KCNT2: variants seen among roughly 807,000 people sequenced by gnomAD.
KCNT2 encodes the protein potassium sodium-activated channel subfamily T member 2.
Under a neutral mutation model 153.8 loss-of-function variants are expected in KCNT2, and 67 were observed. That is an observed-to-expected ratio of 0.44 (90% CI 0.36 to 0.53). The LOEUF is 0.53. Among genes scored for constraint, KCNT2 ranks in the 20% least tolerant of loss-of-function variants. The pLI is 0.00. For missense variants in KCNT2, 975 were observed against 1,354.8 expected (o/e 0.72, Z 4.40); for synonymous variants, 500 against 458.8 (o/e 1.09, Z -1.15).
chr1:196,288,216 T>G (rs994273795), intron 22 of KCNT2, among the ~76,000 whole-genome samples: 1 of 152,038 alleles, frequency 6.6e-6, no homozygotes, highest in African/African-American at 2.4e-5. Flanking sequence ...TTTAAGTATA[T>G]GGGTTGAATG....
chr1:196,554,665 A>C (rs1453551383), intron 1 of KCNT2, among the ~76,000 whole-genome samples: 1 of 151,112 alleles, frequency 6.6e-6, no homozygotes, highest in Non-Finnish European at 1.5e-5. Context: ...TGTTACCAAA[A>C]CTGGACAAGA....
At position 196,251,973 on chromosome 1, in the gene KCNT2, T is replaced by C. The variant is rs149162186; in HGVS notation, c.3211+6221A>G. 4.6e-5 allele frequency among the ~76,000 whole-genome samples: 7 copies of C among 151,968 alleles called. No homozygotes were observed. The East Asian group carries it at 1.3e-3, about 29-fold the overall frequency. ...AAGTGGGTTTCTTTTATGCAACATATATGGCGTTTTGCTTTCTTTAATGCC... is the reference window on the plus strand; with the variant it reads ...AAGTGGGTTTCTTTTATGCAACATACATGGCGTTTTGCTTTCTTTAATGCC... On this transcript the variant is annotated intron_variant, in intron 26 of 27. Transcript: ENST00000294725.
chr1:196,447,136 C>T (rs1675753533), intron 8 of KCNT2, among the ~76,000 whole-genome samples: 1 of 150,946 alleles, frequency 6.6e-6, no homozygotes, highest in Non-Finnish European at 1.5e-5. Context: ...AATATTTTGC[C>T]TCAAATGTAT....
At chr1:196,369,459 G>T (rs1485627880) in intron 14 of KCNT2, among the ~76,000 whole-genome samples, 9 of 151,772 alleles carry the variant, frequency 5.9e-5, no homozygotes, top group Admixed American at 5.3e-4. Context: ...ATATTTCCCA[G>T]TGCTATCCCT....
chr1:196,374,671 G>T (rs1463831799), intron 13 of KCNT2, among the ~76,000 whole-genome samples: 1 of 151,716 alleles, frequency 6.6e-6, no homozygotes, highest in Non-Finnish European at 1.5e-5. Context: ...CATAAGATTT[G>T]CAAAAGAAGA....
chr1:196,384,383 C>T (rs992151694), intron 13 of KCNT2, among the ~76,000 whole-genome samples: 5 of 152,036 alleles, frequency 3.3e-5, no homozygotes, highest in African/African-American at 1.2e-4. Context: ...TCCTCCCAGA[C>T]CAAAAAAACC....
At chr1:196,480,881 A>G (rs925615541) in intron 4 of KCNT2, among the ~76,000 whole-genome samples, 3 of 150,730 alleles carry the variant, frequency 2.0e-5, no homozygotes, top group South Asian at 2.1e-4. Context: ...AAAAAAAAAA[A>G]AAAAGAGCAT....
At chr1:196,436,547 C>G (rs1674673837) in intron 8 of KCNT2, among the ~76,000 whole-genome samples, 1 of 151,282 alleles carries the variant, frequency 6.6e-6, no homozygotes, top group South Asian at 2.1e-4. Context: ...TTAAAACATG[C>G]TACGTAAAGA....
At chr1:196,526,687 G>A (rs560982037) in intron 1 of KCNT2, among the ~76,000 whole-genome samples, 111 of 151,986 alleles carry the variant, frequency 7.3e-4, no homozygotes, top group Non-Finnish European at 1.2e-3. Flanking sequence ...TCCTCACCTC[G>A]TGATCTGCCC....
At chr1:196,477,876 T>A (rs1678675702) in intron 5 of KCNT2, among the ~76,000 whole-genome samples, 1 of 152,226 alleles carries the variant, frequency 6.6e-6, no homozygotes, top group African/African-American at 2.4e-5. Context: ...CTTCCTTTAC[T>A]ATCAGGTCTT....
chr1:196,367,707 T>C (rs1668161417), intron 14 of KCNT2, among the ~76,000 whole-genome samples: 3 of 152,152 alleles, frequency 2.0e-5, no homozygotes, highest in Admixed American at 6.6e-5. Flanking sequence ...TACTCCAAAA[T>C]GTTTTATAAA....
intron 1 of KCNT2, among the ~76,000 whole-genome samples, chr1:196,557,534 T>C (rs1658839946): frequency 6.6e-6 from 1 of 150,802 alleles, no homozygotes; most frequent in East Asian, 1.9e-4. Flanking sequence ...ATTCTCCTCA[T>C]ACAAAGTTCA....
intron 1 of KCNT2, among the ~76,000 whole-genome samples, chr1:196,569,758 C>T (rs1392928704): frequency 2.0e-5 from 3 of 152,102 alleles, no homozygotes; most frequent in Non-Finnish European, 4.4e-5. Context: ...TGGCAGCCCT[C>T]ATACTGCAAG....
chr1:196,450,566 T>C (rs1676070048), intron 8 of KCNT2, among the ~76,000 whole-genome samples: 2 of 151,944 alleles, frequency 1.3e-5, no homozygotes, highest in South Asian at 2.1e-4. Flanking sequence ...CTCAAAGTTA[T>C]TCTTTTTTTT....
At chr1:196,336,366 T>C (rs1470009707) in intron 16 of KCNT2, among the ~76,000 whole-genome samples, 2 of 152,164 alleles carry the variant, frequency 1.3e-5, no homozygotes, top group Non-Finnish European at 1.5e-5. Context: ...TCTTTCCCTC[T>C]TGATTTTCAC....
intron 14 of KCNT2, among the ~76,000 whole-genome samples, chr1:196,360,819 A>G (rs1185734906): frequency 6.6e-6 from 1 of 152,060 alleles, no homozygotes; most frequent in Non-Finnish European, 1.5e-5. Flanking sequence ...TCTGTTGTTT[A>G]AGCCACCCAG....
rs778230886 is a variant in KCNT2, at chr1:196,342,694, T to C, written c.1404-466A>G. Among the ~76,000 whole-genome samples the C allele has an allele frequency of 6.0e-4, 91 of 152,098 alleles. 1 individual carries two copies. In the Middle Eastern group the frequency reaches 0.014, roughly 23 times the overall value. On this transcript the variant is annotated intron_variant, in intron 14 of 27. Coordinates refer to ENST00000294725, the MANE Select transcript of KCNT2 (RefSeq NM_198503.5). Reference sequence around the variant, plus strand: ...GTAGGTATTTTATTTTGCTTTATACTTAAAATTACAAATTTATCTCAATTT... The same window carrying C: ...GTAGGTATTTTATTTTGCTTTATACCTAAAATTACAAATTTATCTCAATTT...
At chr1:196,564,359 AT>A (rs1659818095) in intron 1 of KCNT2, among the ~76,000 whole-genome samples, 1 of 151,950 alleles carries the variant, frequency 6.6e-6, no homozygotes, top group Non-Finnish European at 1.5e-5. Context: ...GAAGAAACAA[AT>A]AAACAGAAAA....
intron 2 of KCNT2, 107 bp downstream of exon 2, chr1:196,492,155 C>T: frequency 8.9e-7 from 1 of 1,117,340 alleles, no homozygotes; most frequent in East Asian, 4.0e-5. Flanking sequence ...GAAAAAATAA[C>T]CAATTTTATT....
Sources: gnomAD v4.1 joint callset for allele counts (sites outside exome capture counted in the v4.1 genomes callset) on GRCh38, gnomAD v4.1.1 for gene constraint, MANE v1.5 for transcripts, NCBI Gene and HGNC (gene_info 2026-07-23, HGNC 2026-07-21) for gene names.